Variants in DMXL1 observed in about 807,000 individuals in gnomAD.
DMXL1 encodes Dmx like 1, also known as dmX-like protein 1.
Under a neutral mutation model 319.2 loss-of-function variants are expected in DMXL1, and 99 were observed. That is an observed-to-expected ratio of 0.31 (90% CI 0.26 to 0.37). DMXL1 has a LOEUF of 0.37. Ranked by LOEUF, DMXL1 falls within the 10% of genes least tolerant of loss-of-function variation. The pLI, the probability that DMXL1 is intolerant of heterozygous loss-of-function variation, is 1.00. For synonymous variants in DMXL1, 1,385 were observed against 1,235.2 expected (o/e 1.12, Z -2.54); for missense variants, 3,745 against 3,595.6 (o/e 1.04, Z -1.06).
intron 32 of DMXL1, among the ~76,000 whole-genome samples, chr5:119,199,615 G>C (rs1260936948): frequency 1.3e-5 from 2 of 152,158 alleles, no homozygotes; most frequent in Non-Finnish European, 2.9e-5. Context: ...TGATAGTTCT[G>C]TTTTTAGCTC....
chr5:119,246,726 C>T (rs1202840569), intron 43 of DMXL1, among the ~76,000 whole-genome samples: 4 of 150,828 alleles, frequency 2.7e-5, no homozygotes, highest in South Asian at 2.1e-4. Flanking sequence ...CTCCACCTCC[C>T]GGGTCGAAGC....
At chr5:119,114,623 T>A (rs1760416289) in intron 6 of DMXL1, 82 bp downstream of exon 6, 1 of 910,148 alleles carries the variant, frequency 1.1e-6, no homozygotes, top group Non-Finnish European at 1.7e-6. Flanking sequence ...GCTTCATTCT[T>A]TTATTTATTT....
chr5:119,139,712 C>T (rs1766861213), intron 13 of DMXL1, among the ~76,000 whole-genome samples: 1 of 152,140 alleles, frequency 6.6e-6, no homozygotes. Context: ...TATTAGACAG[C>T]TCATCGAGGC....
intron 4 of DMXL1, among the ~76,000 whole-genome samples, chr5:119,109,446 A>G (rs1268064150): frequency 6.6e-6 from 1 of 152,132 alleles, no homozygotes; most frequent in African/African-American, 2.4e-5. Flanking sequence ...CTGCCACTTG[A>G]AAATCTTTTA....
chr5:119,098,658 A>C (rs561217160), intron 2 of DMXL1, among the ~76,000 whole-genome samples: 1 of 152,350 alleles, frequency 6.6e-6, no homozygotes, highest in South Asian at 2.1e-4. Flanking sequence ...CAACATAAAC[A>C]AAAGTAACAA....
At chr5:119,245,541 C>CTTTT (rs1189893917) in intron 43 of DMXL1, among the ~76,000 whole-genome samples, 1 of 133,826 alleles carries the variant, frequency 7.5e-6, no homozygotes, top group Non-Finnish European at 1.6e-5. Flanking sequence ...TAAGTCGGTT[C>CTTTT]TTTTTTTTTT....
intron 2 of DMXL1, among the ~76,000 whole-genome samples, chr5:119,099,514 G>A (rs1415241577): frequency 6.6e-6 from 1 of 152,032 alleles, no homozygotes; most frequent in Admixed American, 6.6e-5. Flanking sequence ...CTATCCTTGA[G>A]ATTTTTATTT....
intron 27 of DMXL1, 133 bp downstream of exon 27, chr5:119,177,617 C>G (rs73242983): frequency 7.5e-6 from 5 of 667,878 alleles, no homozygotes; most frequent in Non-Finnish European, 9.5e-6. Context: ...TAAGTATTCA[C>G]CACTCATTCT....
In DMXL1 at chr5:119,118,889, C is replaced by G; in HGVS notation, c.818C>G (p.Pro273Arg). 6.2e-7 allele frequency: 1 copy of G among 1,613,766 alleles called. No individual in the cohort carries two copies. ...CGTCTTTGGGTAGAGACATTTTTAC[C>G]AAATGATTGTTTGCTATACGGAGGT... Reference protein sequence around the residue: ...VCRLWVETFLPNDCLLYGGDC... With the variant: ...VCRLWVETFLRNDCLLYGGDC... Residue 273 changes from proline (P) to arginine (R), a missense_variant, in exon 8 of 44, where the codon CCA becomes CGA. Around this residue, in one of 4 missense-constraint regions of DMXL1, gnomAD observed 2,096 missense variants for 1,985.4 expected, o/e 1.06. Transcript: ENST00000539542.
At chr5:119,182,432 A>G (rs1776941985) in intron 28 of DMXL1, among the ~76,000 whole-genome samples, 1 of 152,190 alleles carries the variant, frequency 6.6e-6, no homozygotes, top group African/African-American at 2.4e-5. Context: ...CATGTTTTCT[A>G]AAAGTGTTCC....
intron 39 of DMXL1, chr5:119,236,648 G>GCA (rs1787810621): frequency 6.6e-6 from 1 of 151,954 alleles, no homozygotes; most frequent in Non-Finnish European, 1.5e-5. Context: ...CTGAAAGGAA[G>GCA]CACATCAAAT....
Position 119,210,160 on chromosome 5 carries a change from AG to A in DMXL1, c.7926+3266del, listed in dbSNP as rs1358484858. 3.3e-5 allele frequency among the ~76,000 whole-genome samples: 5 copies of A among 152,102 alleles called. No homozygotes were observed. In the East Asian group the frequency reaches 9.6e-4, roughly 29 times the overall value. On this transcript the variant is annotated intron_variant, in intron 34 of 43. Transcript: ENST00000539542. ...TAGACTGGGTTTCACCATGTTACCCAGGCTGGTCTCAAACTCCTGGGCTCAA... is the reference window on the plus strand; with the variant it reads ...TAGACTGGGTTTCACCATGTTACCCAGCTGGTCTCAAACTCCTGGGCTCAA...
chr5:119,201,754 A>G (rs1398508493), intron 32 of DMXL1, among the ~76,000 whole-genome samples: 1 of 152,060 alleles, frequency 6.6e-6, no homozygotes, highest in Non-Finnish European at 1.5e-5. Context: ...AGAGCTCATT[A>G]TTAGTTTGGT....
chr5:119,079,548 C>G (rs1003807102), intron 1 of DMXL1, among the ~76,000 whole-genome samples: 1 of 152,202 alleles, frequency 6.6e-6, no homozygotes, highest in Admixed American at 6.5e-5. Context: ...GTATTTGTTG[C>G]CACTTTTATG....
intron 39 of DMXL1, 120 bp from the exon 40 acceptor site, chr5:119,237,202 A>T (rs1430345708): frequency 3.8e-6 from 2 of 526,578 alleles, no homozygotes; most frequent in Non-Finnish European, 6.6e-6. Flanking sequence ...TGAAGTGAAA[A>T]ATCACATGAC....
intron 1 of DMXL1, among the ~76,000 whole-genome samples, chr5:119,078,549 C>T (rs1751501703): frequency 1.3e-5 from 2 of 152,164 alleles, no homozygotes; most frequent in Admixed American, 6.5e-5. Flanking sequence ...CTCCTAGGCT[C>T]AATCAGTCTT....
Position 119,172,431 on chromosome 5 carries a change from C to T in DMXL1, c.6681+462C>T, listed in dbSNP as rs982984994. ...TCTAGGATAGGCAGTACTTTGTGAACCAGCTACAACAGAATCAGCTGCAGT... is the reference window on the plus strand; with the variant it reads ...TCTAGGATAGGCAGTACTTTGTGAATCAGCTACAACAGAATCAGCTGCAGT... On this transcript the variant is annotated intron_variant, in intron 25 of 43. Coordinates refer to ENST00000539542, the MANE Select transcript of DMXL1 (RefSeq NM_001290321.3). 3.9e-5 allele frequency among the ~76,000 whole-genome samples: 6 copies of T among 152,276 alleles called. No homozygotes were observed. The South Asian group carries it at 1.0e-3, about 26-fold the overall frequency.
intron 9 of DMXL1, among the ~76,000 whole-genome samples, chr5:119,128,705 G>A (rs1764151154): frequency 6.6e-6 from 1 of 152,030 alleles, no homozygotes; most frequent in Non-Finnish European, 1.5e-5. Flanking sequence ...ATGTAGGATG[G>A]GGAATATGGC....
intron 30 of DMXL1, among the ~76,000 whole-genome samples, chr5:119,195,411 G>T (rs560488015): frequency 6.6e-6 from 1 of 152,186 alleles, no homozygotes; most frequent in African/African-American, 2.4e-5. Context: ...GTATTATTCA[G>T]CCTTAGGAAG....
Sources: gnomAD v4.1 joint callset for allele counts (sites outside exome capture counted in the v4.1 genomes callset) on GRCh38, gnomAD v4.1.1 for gene constraint, gnomAD v4.1.1 regional missense constraint, MANE v1.5 for transcripts, NCBI Gene and HGNC (gene_info 2026-07-23, HGNC 2026-07-21) for gene names.